The following GORASP2 variants were observed in gnomAD, a reference collection of about 807,000 sequenced individuals.
The protein encoded by GORASP2 is Golgi reassembly-stacking protein 2.
GORASP2 carries 22 observed loss-of-function variants against 45.7 expected under a neutral mutation model. That is an observed-to-expected ratio of 0.48 (90% CI 0.34 to 0.69). The LOEUF (loss-of-function observed/expected upper bound fraction) is 0.69. GORASP2 is among the 30% of genes least tolerant of loss of function. The pLI is 0.01. For missense variants in GORASP2, 491 were observed against 562.7 expected, an observed-to-expected ratio of 0.87 and a Z score of 1.29; for synonymous variants, 221 against 215.6, an observed-to-expected ratio of 1.02 and a Z score of -0.22.
chr2:170,932,617 A>G (rs1289998518), intron 1 of GORASP2, among the ~76,000 whole-genome samples: 1 of 152,246 alleles, frequency 6.6e-6, no homozygotes, highest in African/African-American at 2.4e-5. Flanking sequence ...TTGTTTTCTG[A>G]TCATCAACAT....
chr2:170,935,608 TCTCA>T (rs1315950432), intron 1 of GORASP2, among the ~76,000 whole-genome samples: 1 of 145,876 alleles, frequency 6.9e-6, no homozygotes, highest in East Asian at 2.0e-4. Context: ...TGACACAGGG[TCTCA>T]CTCTAGGCTG....
At chr2:170,957,725 G>A (rs1481323014) in intron 7 of GORASP2, among the ~76,000 whole-genome samples, 1 of 152,016 alleles carries the variant, frequency 6.6e-6, no homozygotes. Flanking sequence ...TGTTTTTTTA[G>A]TGTATTTGTA....
chr2:170,932,472 ATAAG>A (rs1325725355), intron 1 of GORASP2, among the ~76,000 whole-genome samples: 2 of 152,214 alleles, frequency 1.3e-5, no homozygotes, highest in Non-Finnish European at 2.9e-5. Flanking sequence ...TTCTGTTATT[ATAAG>A]TACATATTTA....
At position 170,948,366 on chromosome 2, in the gene GORASP2, C is replaced by T; in HGVS notation, c.80C>T (p.Pro27Leu). The change falls in exon 2 of 10, where the codon CCA becomes CTA. Residue 27 changes from proline (P) to leucine (L), a missense_variant. Pro to Leu is a moderately conservative substitution (Grantham distance 98). Coordinates refer to ENST00000234160, the MANE Select transcript of GORASP2 (RefSeq NM_015530.5). ...YHVLRVQENSPGHRAGLEPFF... is the reference protein window; with the variant it reads ...YHVLRVQENSLGHRAGLEPFF... ...TTTCCGCAGGTACAAGAAAATTCCCCAGGACACAGAGCTGGTTTGGAGCCT... is the reference window on the plus strand; with the variant it reads ...TTTCCGCAGGTACAAGAAAATTCCCTAGGACACAGAGCTGGTTTGGAGCCT... 1 of 1,597,528 alleles carries T rather than the reference C, an allele frequency of 6.3e-7. No individual in the cohort carries two copies. Among genetic ancestry groups the T allele is most frequent in the South Asian group, 1.1e-5 (1 of 89,770 alleles).
intron 5 of GORASP2, among the ~76,000 whole-genome samples, chr2:170,953,616 A>G (rs1228280480): frequency 6.6e-6 from 1 of 152,230 alleles, no homozygotes; most frequent in Non-Finnish European, 1.5e-5. Flanking sequence ...TGAGCAGTTG[A>G]GGCTGTGATA....
chr2:170,959,802 T>TGCAGTGTA (rs1000097663), intron 7 of GORASP2, among the ~76,000 whole-genome samples: 2 of 151,258 alleles, frequency 1.3e-5, no homozygotes, highest in Admixed American at 6.6e-5. Flanking sequence ...TTGATTTTTC[T>TGCAGTGTA]GCAGTGTATC....
At chr2:170,950,994 GA>G (rs968344974) in intron 4 of GORASP2, among the ~76,000 whole-genome samples, 51 of 147,070 alleles carry the variant, frequency 3.5e-4, no homozygotes, top group Non-Finnish European at 6.2e-4. Context: ...AAAAAAAGAA[GA>G]AAAAAAAAAG....
rs778067597 is a variant in GORASP2, at chr2:170,965,948, G to A, written c.1177G>A (p.Ala393Thr). ...GTCTTCCCTCCCGCCCACCAGCAAC[G>A]CACCCTCCGACCCTGCCACAACTAC... ...LLSSLPPTSNAPSDPATTTAK... is the reference protein window; with the variant it reads ...LLSSLPPTSNTPSDPATTTAK... The change falls in exon 10 of 10, where the codon GCA (alanine) becomes ACA (threonine). Residue 393 changes from alanine (A) to threonine (T), a missense_variant. Physicochemically the swap from Ala to Thr is moderately conservative, Grantham distance 58. This residue lies in a region of GORASP2 where 297 missense variants were observed against 292.3 expected (regional missense o/e 1.02). Coordinates refer to ENST00000234160, the MANE Select transcript of GORASP2 (RefSeq NM_015530.5). The A allele has an allele frequency of 1.9e-5, 31 of 1,613,594 alleles. No homozygotes were observed. The highest frequency in any genetic ancestry group is 1.1e-4 in the African/African-American group (8 of 74,792).
upstream of GORASP2, chr2:170,928,724 G>GTGAC (rs2105305830): frequency 6.6e-6 from 1 of 152,372 alleles, no homozygotes; most frequent in African/African-American, 2.4e-5. Context: ...AAGTTGGTAG[G>GTGAC]TGACTCTGTG....
chr2:170,933,684 A>C (rs1460495132), intron 1 of GORASP2, among the ~76,000 whole-genome samples: 1 of 136,794 alleles, frequency 7.3e-6, no homozygotes, highest in Admixed American at 7.9e-5. Flanking sequence ...TTAAATTAAA[A>C]TATTCATATT....
At chr2:170,951,955 G>C (rs1704309680) in intron 5 of GORASP2, among the ~76,000 whole-genome samples, 1 of 152,168 alleles carries the variant, frequency 6.6e-6, no homozygotes, top group Non-Finnish European at 1.5e-5. Context: ...CAAGAGTCTG[G>C]CCTATATGGG....
Position 170,957,500 on chromosome 2 carries a change from T to C in GORASP2, c.823+941T>C, listed in dbSNP as rs905236867. On this transcript the variant is annotated intron_variant, in intron 7 of 9. Transcript: ENST00000234160. ...CATGTTGGCCAGGCTGGTCTTGAAC[T>C]CCTGACCTCAGGTGATCTGCCCTCC... Among the ~76,000 whole-genome samples the C allele has an allele frequency of 4.6e-5, 7 of 152,338 alleles. No homozygotes were observed. The East Asian group carries it at 1.4e-3, about 29-fold the overall frequency.
chr2:170,962,378 G>A (rs1704583514), intron 8 of GORASP2, among the ~76,000 whole-genome samples: 1 of 152,222 alleles, frequency 6.6e-6, no homozygotes, highest in Admixed American at 6.5e-5. Flanking sequence ...GGACATGTGG[G>A]AATTTGGGTG....
At chr2:170,953,595 C>G (rs1462531475) in intron 5 of GORASP2, among the ~76,000 whole-genome samples, 1 of 152,036 alleles carries the variant, frequency 6.6e-6, no homozygotes, top group East Asian at 1.9e-4. Flanking sequence ...GTCAGGACTT[C>G]CGATATATTT....
Position 170,951,319 on chromosome 2 carries a change from CTT to C in GORASP2, c.436-6_436-5del, listed in dbSNP as rs761648927. 1.5e-4 allele frequency: 244 copies of C among 1,589,606 alleles called. No homozygotes were observed. Among genetic ancestry groups the C allele is most frequent in the Non-Finnish European group, 1.9e-4 (226 of 1,170,964 alleles). ...ACGTGAAACATTTTCTCCTGTGACA[CTT>C]TTGCAGTCTGAAGATCTATTCAGCC... is the stretch of plus-strand genomic sequence containing the variant. On this transcript the variant is annotated splice_region_variant and splice_polypyrimidine_tract_variant and intron_variant, in intron 4 of 9. Transcript: ENST00000234160.
At chr2:170,947,706 T>C (rs1485104497) in intron 1 of GORASP2, among the ~76,000 whole-genome samples, 1 of 152,204 alleles carries the variant, frequency 6.6e-6, no homozygotes, top group Admixed American at 6.5e-5. Context: ...CTTGAATTTG[T>C]CACTTAATTG....
chr2:170,929,458 G>C, intron 1 of GORASP2, 55 bp downstream of exon 1: 1 of 1,279,314 alleles, frequency 7.8e-7, no homozygotes, highest in Non-Finnish European at 1.0e-6. Context: ...GGCCGGCCGC[G>C]GGGAGGCGGA....
intron 1 of GORASP2, among the ~76,000 whole-genome samples, chr2:170,937,215 A>G (rs1303483190): frequency 2.0e-5 from 3 of 152,098 alleles, no homozygotes; most frequent in Non-Finnish European, 4.4e-5. Context: ...CACAAAAAAA[A>G]AAAAATTTTT....
chr2:170,936,349 C>G (rs1703954898), intron 1 of GORASP2, among the ~76,000 whole-genome samples: 1 of 151,232 alleles, frequency 6.6e-6, no homozygotes. Context: ...ATCTCAGCCT[C>G]CTGAGTAGCT....
Sources: allele counts gnomAD v4.1 joint callset (sites outside exome capture counted in the v4.1 genomes callset), GRCh38; gene constraint gnomAD v4.1.1; regional missense constraint gnomAD v4.1.1; transcripts MANE v1.5; gene names NCBI Gene and HGNC (gene_info 2026-07-23, HGNC 2026-07-21).